The following FGGY variants were observed in gnomAD, a reference collection of about 807,000 sequenced individuals.
FGGY encodes the protein FGGY carbohydrate kinase domain-containing protein.
A neutral mutation model predicts 71.3 loss-of-function variants in FGGY; 72 were observed. The ratio of observed to expected loss-of-function variants is 1.01; its 90% CI spans 0.84 to 1.23. FGGY has a LOEUF of 1.23. FGGY is among the 50% of genes most tolerant of loss of function. The pLI, the probability that FGGY is intolerant of heterozygous loss-of-function variation, is 0.00. For missense variants in FGGY, 668 were observed against 682.3 expected, an observed-to-expected ratio of 0.98 and a Z score of 0.23; for synonymous variants, 251 against 250.3, an observed-to-expected ratio of 1.00 and a Z score of -0.02.
intron 4 of FGGY, among the ~76,000 whole-genome samples, chr1:59,361,316 TA>T (rs2055469526): frequency 6.6e-6 from 1 of 152,136 alleles, no homozygotes; most frequent in Non-Finnish European, 1.5e-5. Flanking sequence ...AGAAAGGAGA[TA>T]AGAGATAAAG....
chr1:59,529,577 A>G (rs967883996), intron 7 of FGGY, among the ~76,000 whole-genome samples: 1 of 152,232 alleles, frequency 6.6e-6, no homozygotes, highest in Non-Finnish European at 1.5e-5. Context: ...TTTGGCTGAA[A>G]TCTATGATAT....
chr1:59,709,809 A>G (rs1038578058), intron 14 of FGGY, among the ~76,000 whole-genome samples: 6 of 152,204 alleles, frequency 3.9e-5, no homozygotes, highest in Non-Finnish European at 7.3e-5. Context: ...ACTCCTTCCA[A>G]CAGGCCTTCT....
intron 8 of FGGY, among the ~76,000 whole-genome samples, chr1:59,587,819 A>G (rs1407099425): frequency 1.3e-5 from 2 of 152,186 alleles, no homozygotes; most frequent in African/African-American, 4.8e-5. Flanking sequence ...TCAAAGACCA[A>G]AAGTAGATAA....
Position 59,600,327 on chromosome 1 carries a change from G to A in FGGY, c.904-7476G>A, listed in dbSNP as rs115603797. Among the ~76,000 whole-genome samples the A allele has an allele frequency of 1.4e-3, 213 of 152,238 alleles. 3 individuals are homozygous for A. The highest frequency in any genetic ancestry group is 4.7e-3 in the African/African-American group (197 of 41,522). On this transcript the variant is annotated intron_variant, in intron 8 of 15. Transcript: ENST00000303721. ...ACTTCTGACATGTCAAAAATATAAC[G>A]TGCCATCCTTCATCCCAGAGCTACA...
chr1:59,653,280 C>T (rs1045634796), intron 11 of FGGY, among the ~76,000 whole-genome samples: 1 of 152,258 alleles, frequency 6.6e-6, no homozygotes, highest in African/African-American at 2.4e-5. Flanking sequence ...GTGGACTCCA[C>T]CCAGTTCGAG....
chr1:59,468,696 C>A (rs951799897), intron 6 of FGGY, among the ~76,000 whole-genome samples: 1 of 151,820 alleles, frequency 6.6e-6, no homozygotes, highest in Non-Finnish European at 1.5e-5. Flanking sequence ...CATGGTGAAA[C>A]CCTGTCTTTA....
intron 14 of FGGY, among the ~76,000 whole-genome samples, chr1:59,754,418 T>C (rs1388820940): frequency 2.0e-5 from 3 of 152,164 alleles, no homozygotes; most frequent in African/African-American, 7.2e-5. Flanking sequence ...GTCTCTTTTT[T>C]GTTTGGTTTT....
chr1:59,432,663 G>A (rs1465229674), intron 5 of FGGY, among the ~76,000 whole-genome samples: 1 of 152,170 alleles, frequency 6.6e-6, no homozygotes, highest in African/African-American at 2.4e-5. Context: ...AATCTTTTGT[G>A]CCTCCTGTCT....
intron 8 of FGGY, among the ~76,000 whole-genome samples, chr1:59,583,719 T>C (rs2153752212): frequency 7.1e-6 from 1 of 141,836 alleles, no homozygotes; most frequent in South Asian, 2.7e-4. Flanking sequence ...CTGATCTGAG[T>C]CCACCTCTGA....
At chr1:59,317,106 T>G (rs900145502) in intron 1 of FGGY, among the ~76,000 whole-genome samples, 1 of 152,236 alleles carries the variant, frequency 6.6e-6, no homozygotes, top group Non-Finnish European at 1.5e-5. Context: ...GGGCTCATAC[T>G]GCCTACCTCA....
chr1:59,470,309 G>A (rs1039867686), intron 6 of FGGY, among the ~76,000 whole-genome samples: 2 of 152,178 alleles, frequency 1.3e-5, no homozygotes, highest in African/African-American at 2.4e-5. Flanking sequence ...TCTGACTGGT[G>A]TGAGATGGTA....
intron 9 of FGGY, among the ~76,000 whole-genome samples, chr1:59,613,005 T>G (rs1485886538): frequency 9.2e-5 from 14 of 152,116 alleles, no homozygotes; most frequent in Non-Finnish European, 1.3e-4. Flanking sequence ...AGCAAGTCCT[T>G]AGAGAACTAC....
At chr1:59,617,848 G>A (rs1302058351) in intron 9 of FGGY, among the ~76,000 whole-genome samples, 1 of 152,062 alleles carries the variant, frequency 6.6e-6, no homozygotes, top group Non-Finnish European at 1.5e-5. Context: ...AGGTCACAAT[G>A]CAACAAGTTA....
intron 6 of FGGY, among the ~76,000 whole-genome samples, chr1:59,467,826 T>A (rs147682332): frequency 6.6e-6 from 1 of 152,280 alleles, no homozygotes; most frequent in African/African-American, 2.4e-5. Flanking sequence ...AGTTAATATA[T>A]GTTTGAATTA....
chr1:59,329,849 C>T (rs1183146314), intron 2 of FGGY, among the ~76,000 whole-genome samples: 1 of 152,216 alleles, frequency 6.6e-6, no homozygotes, highest in Non-Finnish European at 1.5e-5. Context: ...TTTGCTCCAG[C>T]CAAATTTCAA....
chr1:59,512,501 G>A (rs2094543340), intron 7 of FGGY, 62 bp downstream of exon 7: 54 of 1,522,030 alleles, frequency 3.5e-5, no homozygotes, highest in Admixed American at 7.6e-5. Context: ...CCCTAGAACC[G>A]AAGACACTCC....
At chr1:59,754,760 T>C (rs665901) in intron 14 of FGGY, 132,670 of 152,264 alleles carry the variant, frequency 0.87, 57,897 homozygotes, top group African/African-American at 0.92. Flanking sequence ...CCTCGTTAGG[T>C]GGCCATGTTG....
chr1:59,639,640 A>G (rs1225783674), intron 11 of FGGY, among the ~76,000 whole-genome samples: 1 of 152,248 alleles, frequency 6.6e-6, no homozygotes, highest in Non-Finnish European at 1.5e-5. Flanking sequence ...ATTAGAGACA[A>G]ATATCTGAAG....
intron 11 of FGGY, among the ~76,000 whole-genome samples, chr1:59,659,326 A>C (rs1293051988): frequency 6.6e-6 from 1 of 152,198 alleles, no homozygotes; most frequent in African/African-American, 2.4e-5. Context: ...GGGCCAGAGA[A>C]TATGAAGGAA....
Sources: allele counts gnomAD v4.1 joint callset (sites outside exome capture counted in the v4.1 genomes callset), GRCh38; gene constraint gnomAD v4.1.1; transcripts MANE v1.5; gene names NCBI Gene and HGNC (gene_info 2026-07-23, HGNC 2026-07-21).